Variants in FNIP1 observed in about 807,000 individuals in gnomAD.
FNIP1 encodes folliculin-interacting protein 1.
A neutral mutation model predicts 124.5 loss-of-function variants in FNIP1; 40 were observed. That is an observed-to-expected ratio of 0.32 (90% CI 0.25 to 0.42). The LOEUF (loss-of-function observed/expected upper bound fraction) is 0.42. FNIP1 is among the 10% of genes least tolerant of loss of function. The pLI is 1.00. For synonymous variants in FNIP1, 472 were observed against 470.6 expected (o/e 1.00, Z -0.04); for missense variants, 1,176 against 1,403.7 (o/e 0.84, Z 2.59).
intron 2 of FNIP1, among the ~76,000 whole-genome samples, chr5:131,738,812 CTTTT>C (rs71806851): frequency 7.1e-6 from 1 of 139,998 alleles, no homozygotes. Flanking sequence ...TGCATCCGGC[CTTTT>C]TTTTTTTTTT....
intron 11 of FNIP1, among the ~76,000 whole-genome samples, chr5:131,695,768 A>T (rs556673202): frequency 3.6e-4 from 55 of 152,344 alleles, no homozygotes; most frequent in African/African-American, 1.3e-3. Context: ...AATGTTTATT[A>T]AAAAAACACA....
chr5:131,720,151 C>T (rs1769609873), intron 3 of FNIP1, among the ~76,000 whole-genome samples: 1 of 152,128 alleles, frequency 6.6e-6, no homozygotes, highest in Non-Finnish European at 1.5e-5. Context: ...TTAAGACAGA[C>T]ATATAGACCA....
chr5:131,774,103 A>G (rs1771728129), intron 1 of FNIP1, among the ~76,000 whole-genome samples: 1 of 152,218 alleles, frequency 6.6e-6, no homozygotes, highest in African/African-American at 2.4e-5. Context: ...CATAGCTCAC[A>G]GCAACTTTGA....
At chr5:131,659,483 A>C (rs1470551480) in intron 15 of FNIP1, among the ~76,000 whole-genome samples, 1 of 152,166 alleles carries the variant, frequency 6.6e-6, no homozygotes, top group Non-Finnish European at 1.5e-5. Context: ...CTTCTCCTTG[A>C]TGTCACACAC....
intron 2 of FNIP1, among the ~76,000 whole-genome samples, chr5:131,731,586 G>C (rs1408299920): frequency 3.3e-5 from 5 of 151,658 alleles, no homozygotes; most frequent in African/African-American, 4.8e-5. Context: ...CCTGGGAAGT[G>C]AGCTGAGACT....
intron 11 of FNIP1, among the ~76,000 whole-genome samples, chr5:131,683,422 G>T (rs1476380677): frequency 6.6e-6 from 1 of 151,796 alleles, no homozygotes; most frequent in Non-Finnish European, 1.5e-5. Flanking sequence ...GCGTGGTGGT[G>T]GGCACCTGTA....
rs148644795 is a variant in FNIP1 at position 131,711,107 on chromosome 5, A to C, written c.623-446T>G. Among the ~76,000 whole-genome samples, 560 of 152,336 alleles carry C rather than the reference A, an allele frequency of 3.7e-3. 4 individuals carry two copies. The highest frequency in any genetic ancestry group is 0.013 in the African/African-American group (530 of 41,568). ...GCAGCGAGGAGAAAACCACCTAAGC[A>C]CTTGGCACACAGCATACAACAGGGT... On this transcript the variant is annotated intron_variant, in intron 6 of 17. Coordinates refer to ENST00000510461, the MANE Select transcript of FNIP1 (RefSeq NM_133372.3).
intron 10 of FNIP1, among the ~76,000 whole-genome samples, chr5:131,701,045 T>C (rs932871167): frequency 1.6e-4 from 25 of 152,124 alleles, no homozygotes; most frequent in African/African-American, 3.1e-4. Flanking sequence ...CTGTCAGGAA[T>C]TGGGTCGAGC....
chr5:131,688,183 T>A (rs914794108), intron 11 of FNIP1, among the ~76,000 whole-genome samples: 1 of 151,588 alleles, frequency 6.6e-6, no homozygotes, highest in South Asian at 2.1e-4. Flanking sequence ...CATATCAACA[T>A]AGCTCCAGTG....
intron 17 of FNIP1, among the ~76,000 whole-genome samples, chr5:131,646,051 T>C (rs1302714030): frequency 1.3e-5 from 2 of 152,144 alleles, no homozygotes; most frequent in African/African-American, 4.8e-5. Context: ...TTTTAAAACT[T>C]GTCTTAAATA....
chr5:131,704,601 C>G (rs1769016527), intron 9 of FNIP1, among the ~76,000 whole-genome samples: 1 of 152,108 alleles, frequency 6.6e-6, no homozygotes. Flanking sequence ...TTTCCCTGTT[C>G]TAGGCCCTTC....
At chr5:131,691,658 T>C (rs185913699) in intron 11 of FNIP1, among the ~76,000 whole-genome samples, 2 of 152,290 alleles carry the variant, frequency 1.3e-5, no homozygotes, top group African/African-American at 2.4e-5. Flanking sequence ...CTATAGATAC[T>C]ATGAACGTTA....
chr5:131,733,120 GC>G (rs1770156095), intron 2 of FNIP1, among the ~76,000 whole-genome samples: 1 of 151,910 alleles, frequency 6.6e-6, no homozygotes, highest in Non-Finnish European at 1.5e-5. Context: ...TCATGATTTG[GC>G]TCTCTGTTTG....
intron 5 of FNIP1, among the ~76,000 whole-genome samples, chr5:131,718,481 T>C (rs908666544): frequency 4.6e-5 from 7 of 152,342 alleles, no homozygotes; most frequent in South Asian, 2.1e-4. Context: ...TTCTGGCACA[T>C]GGCCCATGAT....
intron 1 of FNIP1, among the ~76,000 whole-genome samples, chr5:131,793,578 T>C (rs1772480745): frequency 6.6e-6 from 1 of 152,190 alleles, no homozygotes; most frequent in Admixed American, 6.5e-5. Context: ...TAGAAATCGA[T>C]ATGGTAAGAG....
chr5:131,796,696 A>C, intron 1 of FNIP1, 134 bp downstream of exon 1: 3 of 784,250 alleles, frequency 3.8e-6, no homozygotes, highest in Non-Finnish European at 3.9e-6. Flanking sequence ...AGCCGGCTCC[A>C]CCCCACCGAG....
At chr5:131,789,452 T>C (rs1028457768) in intron 1 of FNIP1, among the ~76,000 whole-genome samples, 2 of 152,092 alleles carry the variant, frequency 1.3e-5, no homozygotes, top group Non-Finnish European at 2.9e-5. Context: ...TGACATAAAA[T>C]CAGAACACTG....
chr5:131,716,625 C>T lies in FNIP1; in HGVS notation c.562G>A (p.Asp188Asn). Residue 188 changes from aspartate to asparagine, a missense_variant, in exon 6 of 18, where the codon GAC becomes AAC. This residue lies in a region of FNIP1 where 1,109 missense variants were observed against 1,288.5 expected (regional missense o/e 0.86). Coordinates refer to ENST00000510461, the MANE Select transcript of FNIP1 (RefSeq NM_133372.3). ...TTATCAGCCTTTAATGTATTGTTGTCCTGATTGATGAATTCAAGACTATCT... is the reference window on the plus strand; with the variant it reads ...TTATCAGCCTTTAATGTATTGTTGTTCTGATTGATGAATTCAAGACTATCT... Reference protein sequence around the residue: ...LQDSLEFINQDNNTLKADNNT... With the variant: ...LQDSLEFINQNNNTLKADNNT... 6.2e-7 allele frequency: 1 copy of T among 1,603,566 alleles called. No individual in the cohort carries two copies. The highest frequency in any genetic ancestry group is 8.5e-7 in the Non-Finnish European group (1 of 1,175,420).
intron 2 of FNIP1, among the ~76,000 whole-genome samples, chr5:131,744,304 A>AT (rs1770602930): frequency 6.6e-6 from 1 of 152,210 alleles, no homozygotes; most frequent in Non-Finnish European, 1.5e-5. Context: ...AATACAAAGA[A>AT]GTCATGCTTA....
Sources: gnomAD v4.1 joint callset for allele counts (sites outside exome capture counted in the v4.1 genomes callset) on GRCh38, gnomAD v4.1.1 for gene constraint, gnomAD v4.1.1 regional missense constraint, MANE v1.5 for transcripts, NCBI Gene and HGNC (gene_info 2026-07-23, HGNC 2026-07-21) for gene names.